CUX1: variants seen among roughly 807,000 people sequenced by gnomAD.
CUX1 encodes the protein protein CASP.
A neutral mutation model predicts 158.8 loss-of-function variants in CUX1; 31 were observed. The ratio of observed to expected loss-of-function variants is 0.20; its 90% confidence interval spans 0.15 to 0.26. The LOEUF (loss-of-function observed/expected upper bound fraction) is 0.26. CUX1 is among the 10% of genes least tolerant of loss of function. The pLI is 1.00. For missense variants in CUX1, 1,589 were observed against 2,014.6 expected (o/e 0.79, Z 4.04); for synonymous variants, 879 against 862.1 (o/e 1.02, Z -0.34).
At chr7:102,278,615 A>G (rs1791782913) in intron 18 of CUX1, among the ~76,000 whole-genome samples, 1 of 119,894 alleles carries the variant, frequency 8.3e-6, no homozygotes, top group African/African-American at 3.1e-5. Flanking sequence ...AAATAAAAAT[A>G]AATAAAATAA....
rs951801289 is a variant in CUX1, at chr7:102,039,660, C to CAAAA, written c.189+11531_189+11534dup. Among the ~76,000 whole-genome samples the CAAAA allele has an allele frequency of 6.1e-3, 548 of 90,360 alleles. 5 individuals are homozygous for CAAAA. Among genetic ancestry groups the CAAAA allele is most frequent in the African/African-American group, 0.023 (533 of 22,978 alleles). The allele number at this position is 90,360 out of a possible 152,430, so 59.3% of individuals were successfully genotyped here. ...ACAGAGCGAGACCCTGTCTCTATTT[C>CAAAA]AAAAAAAAAAAAAAAAAAAGATTGA... On this transcript the variant is annotated intron_variant, in intron 3 of 23. Coordinates refer to ENST00000292535, the MANE Select transcript of CUX1 (RefSeq NM_181552.4).
In CUX1 at chr7:102,251,571, G is replaced by GGAGAAGAGAATTCAAAATTA; in HGVS notation, c.*2533_*2552dup. The GGAGAAGAGAATTCAAAATTA allele has an allele frequency of 1.0e-6, 1 of 985,342 alleles. No individual in the cohort carries two copies. Among genetic ancestry groups the GGAGAAGAGAATTCAAAATTA allele is most frequent in the Non-Finnish European group, 1.2e-6 (1 of 829,924 alleles). 61.0% of individuals were successfully genotyped at this position (985,342 alleles called of 1,614,324 possible). A position where few individuals can be genotyped will look rare whatever the true frequency, so the allele number is the denominator to read the frequency against. ...TTTCTGAACTTGAAATCCAGTTCAG[G>GGAGAAGAGAATTCAAAATTA]GAGAAGAGAATTCAAAATTAGAGGA... On this transcript the variant is annotated 3_prime_UTR_variant, in exon 24 of 24. Coordinates refer to ENST00000292535, the MANE Select transcript of CUX1 (RefSeq NM_181552.4).
At chr7:101,822,424 G>C (rs1792758633) in intron 1 of CUX1, 1 of 152,310 alleles carries the variant, frequency 6.6e-6, no homozygotes, top group Admixed American at 6.5e-5. Flanking sequence ...GTGGTCTTTG[G>C]CGGGGATGGA....
rs192020786 is a variant in CUX1 at position 101,928,496 on chromosome 7, A to G, written c.141+12271A>G. 3.1e-3 allele frequency among the ~76,000 whole-genome samples: 460 copies of G among 149,440 alleles called. 1 individual carries two copies. Among genetic ancestry groups the G allele is most frequent in the African/African-American group, 0.011 (448 of 40,520 alleles). On this transcript the variant is annotated intron_variant, in intron 2 of 23. Transcript: ENST00000292535. Reference sequence around the variant, plus strand: ...AGTGATTCTCCTGCCTCAACCTCCCAAGTAGCTGGGACTACAGGCACCTGC... The same window carrying G: ...AGTGATTCTCCTGCCTCAACCTCCCGAGTAGCTGGGACTACAGGCACCTGC...
chr7:102,102,423 CAAAAAAAAAAAA>C (rs67525163), intron 5 of CUX1, among the ~76,000 whole-genome samples: 1 of 75,028 alleles, frequency 1.3e-5, no homozygotes, highest in Non-Finnish European at 2.3e-5. Context: ...GACTCCGCCT[CAAAAAAAAAAAA>C]AAAAAAAAAA....
At chr7:101,955,619 T>C (rs1002620099) in intron 2 of CUX1, among the ~76,000 whole-genome samples, 6 of 152,194 alleles carry the variant, frequency 3.9e-5, no homozygotes, top group African/African-American at 1.2e-4. Flanking sequence ...GCACCCTTCC[T>C]GAGCCAGTTC....
rs539436483 is a variant in CUX1, at chr7:102,265,941, C to T, written c.1256-7425C>T. Among the ~76,000 whole-genome samples the T allele has an allele frequency of 1.1e-4, 16 of 152,184 alleles. No homozygotes were observed. The East Asian group carries it at 3.1e-3, about 29-fold the overall frequency. On this transcript the variant is annotated intron_variant, in intron 14 of 22. Coordinates refer to the CUX1 transcript ENST00000292538. Reference sequence around the variant, plus strand: ...GACTTAAGGCAGGGGCAGTGGCTCACGCCTGTAATCCCAGCACTTTGGGAG... The same window carrying T: ...GACTTAAGGCAGGGGCAGTGGCTCATGCCTGTAATCCCAGCACTTTGGGAG...
intron 1 of CUX1, among the ~76,000 whole-genome samples, chr7:101,853,378 G>A (rs1273652625): frequency 6.6e-6 from 1 of 152,162 alleles, no homozygotes; most frequent in African/African-American, 2.4e-5. Context: ...TTATCTGTGA[G>A]GTTGTCTGTT....
rs1801445329 is a variant in CUX1, at chr7:102,250,915, T to C, written c.*1873T>C. 1 of 984,584 alleles carries C rather than the reference T, an allele frequency of 1.0e-6. No homozygotes were observed. The allele number at this position is 984,584 out of a possible 1,614,324, so 61.0% of individuals were successfully genotyped here. A position where few individuals can be genotyped will look rare whatever the true frequency, so the allele number is the denominator to read the frequency against. The stretch of plus-strand genomic sequence containing the variant: ...TACGGCTTCTACAAGTTTGCTAATT[T>C]AGACTTCTTTATTGCCATATCTTTA... On this transcript the variant is annotated 3_prime_UTR_variant, in exon 24 of 24. Coordinates refer to ENST00000292535, the MANE Select transcript of CUX1 (RefSeq NM_181552.4).
In CUX1 at chr7:101,988,137, G is replaced by A. The variant is rs571912625; in HGVS notation, c.142-39961G>A. 2.3e-4 allele frequency among the ~76,000 whole-genome samples: 35 copies of A among 152,198 alleles called. 1 individual carries two copies. In the South Asian group the frequency reaches 4.6e-3, roughly 20 times the overall value. On this transcript the variant is annotated intron_variant, in intron 2 of 23. Coordinates refer to ENST00000292535, the MANE Select transcript of CUX1 (RefSeq NM_181552.4). ...TGAGGCAGGAGAATCACTTGAACCC[G>A]GGAGGCAGAGGTTGCAGTGAGCTGA...
intron 20 of CUX1, among the ~76,000 whole-genome samples, chr7:102,209,991 A>G (rs531832247): frequency 9.2e-5 from 14 of 152,256 alleles, no homozygotes; most frequent in African/African-American, 2.9e-4. Flanking sequence ...GGCTCAAACA[A>G]TCCTCTCTCC....
chr7:101,816,518 CG>C (rs1283559098), upstream of CUX1, among the ~76,000 whole-genome samples: 1 of 139,108 alleles, frequency 7.2e-6, no homozygotes, highest in African/African-American at 2.6e-5. Flanking sequence ...GAGCGGGCGG[CG>C]GGGGGCGGGC....
At chr7:102,152,103 G>C (rs929879501) in intron 8 of CUX1, among the ~76,000 whole-genome samples, 1 of 152,048 alleles carries the variant, frequency 6.6e-6, no homozygotes, top group Admixed American at 6.6e-5. Flanking sequence ...CCAGCTACTC[G>C]GGAGGCCAAG....
chr7:102,022,321 G>A (rs1819470691), intron 2 of CUX1, among the ~76,000 whole-genome samples: 1 of 152,068 alleles, frequency 6.6e-6, no homozygotes, highest in Non-Finnish European at 1.5e-5. Context: ...GCAGTTTCGA[G>A]AATAATGGAA....
chr7:101,943,673 T>C (rs1398651067), intron 2 of CUX1, among the ~76,000 whole-genome samples: 1 of 150,776 alleles, frequency 6.6e-6, no homozygotes, highest in Non-Finnish European at 1.5e-5. Flanking sequence ...TAGGATGAGT[T>C]TTGGGCTTTA....
chr7:101,872,840 T>A (rs1343045649), intron 1 of CUX1, among the ~76,000 whole-genome samples: 1 of 152,138 alleles, frequency 6.6e-6, no homozygotes, highest in Non-Finnish European at 1.5e-5. Context: ...ATTTTAATCA[T>A]TTGGGTATCC....
intron 9 of CUX1, among the ~76,000 whole-genome samples, chr7:102,166,402 G>A (rs1342609133): frequency 1.3e-5 from 2 of 152,204 alleles, no homozygotes; most frequent in East Asian, 3.9e-4. Flanking sequence ...CAGTGGCCCT[G>A]TCTCTGCAGG....
intron 2 of CUX1, among the ~76,000 whole-genome samples, chr7:102,018,569 G>A (rs1043810211): frequency 2.0e-5 from 3 of 152,206 alleles, no homozygotes; most frequent in African/African-American, 7.2e-5. Flanking sequence ...CGAGGCTCTG[G>A]CTGTCCTGTC....
At chr7:101,823,640 C>T (rs1792931763) in intron 1 of CUX1, among the ~76,000 whole-genome samples, 1 of 152,178 alleles carries the variant, frequency 6.6e-6, no homozygotes, top group African/African-American at 2.4e-5. Context: ...GATGCTGGCA[C>T]ACTGCTTGTT....
Sources: allele counts gnomAD v4.1 joint callset (sites outside exome capture counted in the v4.1 genomes callset), GRCh38; gene constraint gnomAD v4.1.1; transcripts MANE v1.5; gene names NCBI Gene and HGNC (gene_info 2026-07-23, HGNC 2026-07-21).